The following POU5F2 variants were observed in gnomAD, a reference collection of about 807,000 sequenced individuals.
The protein encoded by POU5F2 is POU domain class 5, transcription factor 2, also known as POU domain, class 5, transcription factor 2.
For synonymous variants in POU5F2, 191 were observed against 178.7 expected (o/e 1.07, Z -0.55); for missense variants, 401 against 426.6 (o/e 0.94, Z 0.53).
chr5:93,740,884 T>C lies in POU5F2; in HGVS notation c.680A>G (p.Lys227Arg). Residue 227 changes from lysine (K) to arginine (R), a missense_variant, in exon 1 of 1, where the codon AAA becomes AGA. Lys to Arg is a conservative substitution (Grantham distance 26, BLOSUM62 2). Coordinates refer to ENST00000606183, the MANE Select transcript of POU5F2 (RefSeq NM_153216.2). ...GGGCTTAGGGCACCGCTGGAAGAATTTCTCCAGGCTGTTTCCGATTCGTCG... is the reference window on the plus strand; with the variant it reads ...GGGCTTAGGGCACCGCTGGAAGAATCTCTCCAGGCTGTTTCCGATTCGTCG... ...RERRIGNSLE[K>R]FFQRCPKPTP... 1 of 1,613,960 alleles carries C rather than the reference T, an allele frequency of 6.2e-7. No homozygotes were observed. The highest frequency in any genetic ancestry group is 1.1e-5 in the South Asian group (1 of 91,086).
chr5:93,740,586 G>A lies in POU5F2; in HGVS notation c.978C>T (p.Leu326=). The change falls in exon 1 of 1, where the codon CTC becomes CTT. Residue 326 remains leucine (L), a synonymous_variant. Transcript: ENST00000606183. ...SSAPATTLGL[L]RF ...GGCAAGCCCCTCAGCCCTAAAATCT[G>A]AGGAGGCCCAGAGTGGTGGCTGGGG... 1 of 1,586,812 alleles carries A rather than the reference G, an allele frequency of 6.3e-7. No individual in the cohort carries two copies. Among genetic ancestry groups the A allele is most frequent in the Non-Finnish European group, 8.6e-7 (1 of 1,157,850 alleles).
rs1748292561 is a variant in POU5F2 at position 93,740,946 on chromosome 5, C to G, written c.618G>C (p.Leu206=). The G allele has an allele frequency of 2.5e-6, 4 of 1,613,994 alleles. No homozygotes were observed. Among genetic ancestry groups the G allele is most frequent in the Non-Finnish European group, 3.4e-6 (4 of 1,179,904 alleles). Residue 206 remains leucine, a synonymous_variant, in exon 1 of 1, where the codon CTG becomes CTC. Transcript: ENST00000606183. ...LLGLCKMEMI[L]QQSGKWRRAS... ...CCCGTCTCCACTTCCCAGACTGTTG[C>G]AGGATCATCTCCATTTTGCATAAGC...
In POU5F2 at chr5:93,734,544, C is replaced by T. The variant is rs2149575453; in HGVS notation, c.*6033G>A. 1 of 152,280 alleles carries T rather than the reference C, an allele frequency of 6.6e-6. No individual in the cohort carries two copies. Among genetic ancestry groups the T allele is most frequent in the South Asian group, 2.1e-4 (1 of 4,828 alleles). The allele number at this position is 152,280 out of a possible 1,614,324, so 9.4% of individuals were successfully genotyped here. On this transcript the variant is annotated 3_prime_UTR_variant, in exon 1 of 1. Transcript: ENST00000606183. The stretch of plus-strand genomic sequence containing the variant: ...ATACTCTAAAGGGGCTCAGCATCTT[C>T]AGATTAAAAATACTTGCCTTGTCTA...
chr5:93,740,366 G>C lies in POU5F2; in HGVS notation c.*211C>G. ...AACCAATGCTAGGGAAAAACAAAGG[G>C]AAAACACAAAACTGCAATAAACTTC... is the stretch of plus-strand genomic sequence containing the variant. On this transcript the variant is annotated 3_prime_UTR_variant, in exon 1 of 1. Coordinates refer to ENST00000606183, the MANE Select transcript of POU5F2 (RefSeq NM_153216.2). 1 of 551,028 alleles carries C rather than the reference G, an allele frequency of 1.8e-6. No individual in the cohort carries two copies. The highest frequency in any genetic ancestry group is 3.2e-6 in the Non-Finnish European group (1 of 315,938). 34.1% of individuals were successfully genotyped at this position (551,028 alleles called of 1,614,324 possible).
rs368129813 is a variant in POU5F2 at position 93,737,096 on chromosome 5, C to T, written c.*3481G>A. 7.2e-5 allele frequency: 11 copies of T among 152,214 alleles called. No individual in the cohort carries two copies. The East Asian group carries it at 7.7e-4, about 11-fold the overall frequency. The allele number at this position is 152,214 out of a possible 1,614,324, so 9.4% of individuals were successfully genotyped here. A position where few individuals can be genotyped will look rare whatever the true frequency, so the allele number is the denominator to read the frequency against. On this transcript the variant is annotated 3_prime_UTR_variant, in exon 1 of 1. Transcript: ENST00000606183. ...TGGTTAGAACTAAATCTGCATAAGTCGCAGGATACAAAATCAACACAGGAA... is the reference window on the plus strand; with the variant it reads ...TGGTTAGAACTAAATCTGCATAAGTTGCAGGATACAAAATCAACACAGGAA...
At position 93,740,547 on chromosome 5, in the gene POU5F2, A is replaced by G; in HGVS notation, c.*30T>C. The stretch of plus-strand genomic sequence containing the variant: ...GTTTTCCCTTCTTCTCCCCTCTCCA[A>G]CCGTGCCGTGAAGGGCAAGCCCCTC... On this transcript the variant is annotated 3_prime_UTR_variant, in exon 1 of 1. Coordinates refer to ENST00000606183, the MANE Select transcript of POU5F2 (RefSeq NM_153216.2). The G allele has an allele frequency of 1.3e-6, 2 of 1,559,888 alleles. No individual in the cohort carries two copies.
rs560759467 is a variant in POU5F2 at position 93,737,749 on chromosome 5, C to T, written c.*2828G>A. On this transcript the variant is annotated 3_prime_UTR_variant, in exon 1 of 1. Transcript: ENST00000606183. The stretch of plus-strand genomic sequence containing the variant: ...TCATTCAATGCAGAAAGAACATCTC[C>T]TCAACAAATGGTGCTGGGAAAACTG... 3.2e-4 allele frequency: 102 copies of T among 319,040 alleles called. No individual in the cohort carries two copies. Among genetic ancestry groups the T allele is most frequent in the South Asian group, 2.3e-3 (92 of 39,232 alleles). The allele number at this position is 319,040 out of a possible 1,614,324, so 19.8% of individuals were successfully genotyped here. A position where few individuals can be genotyped will look rare whatever the true frequency, so the allele number is the denominator to read the frequency against.
At position 93,740,443 on chromosome 5, in the gene POU5F2, T is replaced by A. The variant is rs774477812; in HGVS notation, c.*134A>T. The A allele has an allele frequency of 2.4e-5, 23 of 956,884 alleles. No individual in the cohort carries two copies. Among genetic ancestry groups the A allele is most frequent in the Middle Eastern group, 3.4e-4 (1 of 2,954 alleles). 59.3% of individuals were successfully genotyped at this position (956,884 alleles called of 1,614,324 possible). A position where few individuals can be genotyped will look rare whatever the true frequency, so the allele number is the denominator to read the frequency against. ...CAATTCCCACCCCCATTCCCTACTATGTATCCTTAACTTCTTTAGACAGTG... is the reference window on the plus strand; with the variant it reads ...CAATTCCCACCCCCATTCCCTACTAAGTATCCTTAACTTCTTTAGACAGTG... On this transcript the variant is annotated 3_prime_UTR_variant, in exon 1 of 1. Transcript: ENST00000606183.
At chr5:93,741,291 C>T in the POU5F2 span, 1 of 1,613,700 alleles carries the variant, frequency 6.2e-7, no homozygotes, top group Non-Finnish European at 8.5e-7. Context: ...GGCGTCGCAA[C>T]CAGTCCCCTG....
At position 93,737,033 on chromosome 5, in the gene POU5F2, T is replaced by C. The variant is rs935808224; in HGVS notation, c.*3544A>G. 2.6e-5 allele frequency: 4 copies of C among 152,174 alleles called. No individual in the cohort carries two copies. The highest frequency in any genetic ancestry group is 2.6e-4 in the Admixed American group (4 of 15,280). 9.4% of individuals were successfully genotyped at this position (152,174 alleles called of 1,614,324 possible). A position where few individuals can be genotyped will look rare whatever the true frequency, so the allele number is the denominator to read the frequency against. ...CTATCTTTATTCACAGATGATATGA[T>C]TTATATGTAGAAAACCCTAAAGAAT... is the stretch of plus-strand genomic sequence containing the variant. On this transcript the variant is annotated 3_prime_UTR_variant, in exon 1 of 1. Transcript: ENST00000606183.
chr5:93,741,196 A>G lies in POU5F2; in HGVS notation c.368T>C (p.Leu123Pro). 2.5e-6 allele frequency: 4 copies of G among 1,613,806 alleles called. No individual in the cohort carries two copies. Among genetic ancestry groups the G allele is most frequent in the Non-Finnish European group, 3.4e-6 (4 of 1,179,858 alleles). Residue 123 changes from leucine to proline, a missense_variant, in exon 1 of 1, where the codon CTG (leucine) becomes CCG (proline). By Grantham distance (98) the Leu-to-Pro change is moderately conservative. Transcript: ENST00000606183. ...LPPPEDISGI[L>P]KELQQLAKEL... is the part of the protein sequence containing the mutation. ...CTTGGCCAATTGCTGCAACTCTTTC[A>G]GTATGCCCGAGATGTCCTCTGGCGG...
In POU5F2 at chr5:93,734,044, C is replaced by T. The variant is rs1306481957; in HGVS notation, c.*6533G>A. ...ATCTCTTTCAAAAAAATTAAATTAT[C>T]GAAACAGATGCTAATTCAAGAAAAA... On this transcript the variant is annotated 3_prime_UTR_variant, in exon 1 of 1. Transcript: ENST00000606183. 1.3e-5 allele frequency: 2 copies of T among 151,982 alleles called. No individual in the cohort carries two copies. The highest frequency in any genetic ancestry group is 2.9e-5 in the Non-Finnish European group (2 of 67,986). The allele number at this position is 151,982 out of a possible 1,614,324, so 9.4% of individuals were successfully genotyped here.
In POU5F2 at chr5:93,739,344, GAAGTA is replaced by G. The variant is rs1258072073; in HGVS notation, c.*1228_*1232del. Reference sequence around the variant, plus strand: ...AAACTAGGAAAAAATTAAGAAGAATGAAGTAAAAATTAATTAACTAGGGAATAAAA... The same window carrying G: ...AAACTAGGAAAAAATTAAGAAGAATGAAAATTAATTAACTAGGGAATAAAA... On this transcript the variant is annotated 3_prime_UTR_variant, in exon 1 of 1. Transcript: ENST00000606183. 6.6e-6 allele frequency: 1 copy of G among 152,070 alleles called. No individual in the cohort carries two copies. The highest frequency in any genetic ancestry group is 6.5e-5 in the Admixed American group (1 of 15,280). 9.4% of individuals were successfully genotyped at this position (152,070 alleles called of 1,614,324 possible). A position where few individuals can be genotyped will look rare whatever the true frequency, so the allele number is the denominator to read the frequency against.
rs1480345840 is a variant in POU5F2, at chr5:93,741,373, G to A, written c.191C>T (p.Pro64Leu). 1 of 1,612,048 alleles carries A rather than the reference G, an allele frequency of 6.2e-7. No homozygotes were observed. The highest frequency in any genetic ancestry group is 1.7e-5 in the Admixed American group (1 of 59,894). ...GAATTCGTGTGGCAGGGGACCCAGG[G>A]GAATCCTCCACACGTCAGGGCCTGG... ...ICPGPDVWRI[P>L]LGPLPHEFRG... The change falls in exon 1 of 1, where the codon CCC becomes CTC. Residue 64 changes from proline to leucine, a missense_variant. Physicochemically the swap from Pro to Leu is moderately conservative, Grantham distance 98. Transcript: ENST00000606183.
chr5:93,740,794 C>T, the POU5F2 span: 1 of 1,612,652 alleles, frequency 6.2e-7, no homozygotes. Context: ...GTTATAGAAC[C>T]AAACTCGAAC....
In POU5F2 at chr5:93,740,343, C is replaced by A; in HGVS notation, c.*234G>T. 1 of 514,840 alleles carries A rather than the reference C, an allele frequency of 1.9e-6. No individual in the cohort carries two copies. Among genetic ancestry groups the A allele is most frequent in the Middle Eastern group, 5.1e-4 (1 of 1,980 alleles). 31.9% of individuals were successfully genotyped at this position (514,840 alleles called of 1,614,324 possible). A position where few individuals can be genotyped will look rare whatever the true frequency, so the allele number is the denominator to read the frequency against. The stretch of plus-strand genomic sequence containing the variant: ...CTATATACTGTAATGTACCTTTAAA[C>A]CAATGCTAGGGAAAAACAAAGGGAA... On this transcript the variant is annotated 3_prime_UTR_variant, in exon 1 of 1. Coordinates refer to ENST00000606183, the MANE Select transcript of POU5F2 (RefSeq NM_153216.2).
In POU5F2 at chr5:93,741,265, A is replaced by G; in HGVS notation, c.299T>C (p.Leu100Pro). The change falls in exon 1 of 1, where the codon CTC becomes CCC. Residue 100 changes from leucine (L) to proline (P), a missense_variant. Physicochemically the swap from Leu to Pro is moderately conservative, Grantham distance 98 (BLOSUM62 -3). Coordinates refer to ENST00000606183, the MANE Select transcript of POU5F2 (RefSeq NM_153216.2). ...DWLRRPSEGA[L>P]PGPYIALRSI... ...CCGCAGGGCAATGTAGGGCCCCGGG[A>G]GGGCGCCTTCGGAGGGGCGTCGCAA... is the stretch of plus-strand genomic sequence containing the variant. The G allele has an allele frequency of 6.2e-7, 1 of 1,613,824 alleles. No individual in the cohort carries two copies. Among genetic ancestry groups the G allele is most frequent in the Non-Finnish European group, 8.5e-7 (1 of 1,179,852 alleles).
rs764361767 is a variant in POU5F2 at position 93,740,590 on chromosome 5, A to G, written c.974T>C (p.Leu325Pro). 3 of 1,593,134 alleles carry G rather than the reference A, an allele frequency of 1.9e-6. No homozygotes were observed. The Admixed American group carries it at 5.1e-5, about 27-fold the overall frequency. Reference protein sequence around the residue: ...HSSAPATTLGLLRF With the variant: ...HSSAPATTLGPLRF ...AGCCCCTCAGCCCTAAAATCTGAGG[A>G]GGCCCAGAGTGGTGGCTGGGGCAGA... Residue 325 changes from leucine (L) to proline (P), a missense_variant, in exon 1 of 1, where the codon CTC becomes CCC. By Grantham distance (98) the Leu-to-Pro change is moderately conservative. Transcript: ENST00000606183.
rs1278742090 is a variant in POU5F2 at position 93,741,455 on chromosome 5, T to A, written c.109A>T (p.Thr37Ser). Residue 37 changes from threonine (T) to serine (S), a missense_variant, in exon 1 of 1, where the codon ACC becomes TCC. By Grantham distance (58) the Thr-to-Ser change is moderately conservative (BLOSUM62 1). Coordinates refer to ENST00000606183, the MANE Select transcript of POU5F2 (RefSeq NM_153216.2). ...LRVDTLTWLSTQAAPGRVMVW... is the reference protein window; with the variant it reads ...LRVDTLTWLSSQAAPGRVMVW... ...ATCACCCTGCCAGGGGCCGCCTGGG[T>A]GCTCAACCAGGTCAGAGTGTCAACC... is the stretch of plus-strand genomic sequence containing the variant. The A allele has an allele frequency of 3.1e-6, 5 of 1,613,322 alleles. No individual in the cohort carries two copies. Among genetic ancestry groups the A allele is most frequent in the Non-Finnish European group, 4.2e-6 (5 of 1,179,782 alleles).
Sources: gnomAD v4.1 joint callset for allele counts on GRCh38, gnomAD v4.1.1 for gene constraint, MANE v1.5 for transcripts, NCBI Gene and HGNC (gene_info 2026-07-23, HGNC 2026-07-21) for gene names.